Variants in MTERF3 observed in about 807,000 individuals in gnomAD.
The protein encoded by MTERF3 is mitochondrial transcription termination factor 3.
Under a neutral mutation model 40.5 loss-of-function variants are expected in MTERF3, and 40 were observed. The ratio of observed to expected loss-of-function variants is 0.99; its 90% CI spans 0.77 to 1.29. The LOEUF is 1.29. Ranked by LOEUF, MTERF3 falls within the 50% of genes most tolerant of loss-of-function variation. MTERF3 has a pLI of 0.00. For synonymous variants in MTERF3, 158 were observed against 166.6 expected (o/e 0.95, Z 0.40); for missense variants, 452 against 478.2 (o/e 0.95, Z 0.51).
chr8:96,243,656 G>A (rs760001354), intron 7 of MTERF3, among the ~76,000 whole-genome samples: 3 of 152,184 alleles, frequency 2.0e-5, no homozygotes, highest in Non-Finnish European at 2.9e-5. Flanking sequence ...TAAGGGAAGT[G>A]ATCTATTCCA....
chr8:96,239,697 A>G lies in MTERF3; in HGVS notation c.1060-12T>C. 6.4e-7 allele frequency: 1 copy of G among 1,565,072 alleles called. No homozygotes were observed. Among genetic ancestry groups the G allele is most frequent in the Non-Finnish European group, 8.6e-7 (1 of 1,164,046 alleles). ...CTTGTATTAAATACCTAGAAAAGAA[A>G]AAAAAGTTTTTAAAAAACACTGCAC... On this transcript the variant is annotated splice_polypyrimidine_tract_variant and intron_variant, in intron 7 of 7. Coordinates refer to ENST00000287025, the MANE Select transcript of MTERF3 (RefSeq NM_015942.5).
At chr8:96,245,572 G>C (rs993662848) in intron 6 of MTERF3, among the ~76,000 whole-genome samples, 6 of 152,216 alleles carry the variant, frequency 3.9e-5, no homozygotes, top group Non-Finnish European at 8.8e-5. Flanking sequence ...CTGGGCAACA[G>C]AAGCAGTTTC....
Position 96,250,665 on chromosome 8 carries a change from GAAGAAGAAGAAGAAGA to G in MTERF3, c.677+225_677+240del, listed in dbSNP as rs1563548956. Among the ~76,000 whole-genome samples, 88 of 37,736 alleles carry G rather than the reference GAAGAAGAAGAAGAAGA, an allele frequency of 2.3e-3. 17 individuals are homozygous for G. Among genetic ancestry groups the G allele is most frequent in the African/African-American group, 9.3e-3 (86 of 9,294 alleles). 24.8% of individuals were successfully genotyped at this position (37,736 alleles called of 152,430 possible). A position where few individuals can be genotyped will look rare whatever the true frequency, so the allele number is the denominator to read the frequency against. ...AGAAGAAGAAGAAGAAGAAGAAGAA[GAAGAAGAAGAAGAAGA>G]AGGAGGAGGAGGAGGGGGGGAGGGG... On this transcript the variant is annotated intron_variant, in intron 4 of 7. Coordinates refer to ENST00000287025, the MANE Select transcript of MTERF3 (RefSeq NM_015942.5).
Position 96,239,549 on chromosome 8 carries a change from C to T in MTERF3, c.1196G>A (p.Cys399Tyr). 1 of 1,611,760 alleles carries T rather than the reference C, an allele frequency of 6.2e-7. No homozygotes were observed. Among genetic ancestry groups the T allele is most frequent in the Non-Finnish European group, 8.5e-7 (1 of 1,179,460 alleles). ...KLVSIPDEIFCEEIAKASVQD... is the reference protein window; with the variant it reads ...KLVSIPDEIFYEEIAKASVQD... ...TACTGATGCTTTGGCAATCTCTTCA[C>T]AAAATATTTCATCAGGAATAGATAC... Residue 399 changes from cysteine (C) to tyrosine (Y), a missense_variant, in exon 8 of 8, where the codon TGT becomes TAT. Coordinates refer to ENST00000287025, the MANE Select transcript of MTERF3 (RefSeq NM_015942.5).
At chr8:96,250,536 CCCCATCT>C (rs1390096406) in intron 4 of MTERF3, among the ~76,000 whole-genome samples, 2 of 142,108 alleles carry the variant, frequency 1.4e-5, no homozygotes, top group Non-Finnish European at 3.1e-5. Flanking sequence ...TGTGGCGAAA[CCCCATCT>C]CTCCTAAAAA....
chr8:96,252,867 G>A (rs1810211069), intron 3 of MTERF3, among the ~76,000 whole-genome samples: 1 of 152,332 alleles, frequency 6.6e-6, no homozygotes, highest in East Asian at 1.9e-4. Flanking sequence ...CTTTTTAACA[G>A]CAGTAGGAGA....
At chr8:96,251,793 A>G (rs997724474) in intron 3 of MTERF3, among the ~76,000 whole-genome samples, 1 of 152,264 alleles carries the variant, frequency 6.6e-6, no homozygotes, top group African/African-American at 2.4e-5. Flanking sequence ...AAATATTATT[A>G]GAACCAAATA....
At chr8:96,250,673 A>AGAAGAAGAAGAAGAAGAAGAG (rs1563549026) in intron 4 of MTERF3, among the ~76,000 whole-genome samples, 1 of 40,074 alleles carries the variant, frequency 2.5e-5, no homozygotes, top group Non-Finnish European at 4.6e-5. Flanking sequence ...AAGAAGAAGA[A>AGAAGAAGAAGAAGAAGAAGAG]GAAGAAGAAG....
chr8:96,242,055 C>T (rs1809939913), intron 7 of MTERF3, among the ~76,000 whole-genome samples: 1 of 152,132 alleles, frequency 6.6e-6, no homozygotes, highest in South Asian at 2.1e-4. Context: ...GTCAGATCTG[C>T]CAACCAGGAA....
At chr8:96,258,816 G>T (rs1361797126) in intron 1 of MTERF3, 116 bp from the exon 2 acceptor site, 3 of 778,528 alleles carry the variant, frequency 3.9e-6, no homozygotes, top group Non-Finnish European at 5.9e-6. Context: ...TAATTGAAAG[G>T]TGTTTAAATA....
At chr8:96,242,314 T>C (rs1809944549) in intron 7 of MTERF3, among the ~76,000 whole-genome samples, 1 of 152,184 alleles carries the variant, frequency 6.6e-6, no homozygotes. Context: ...GTGCCTAAAA[T>C]CTGTGTTTTT....
intron 3 of MTERF3, among the ~76,000 whole-genome samples, chr8:96,256,306 T>C (rs552009933): frequency 6.6e-6 from 1 of 151,792 alleles, no homozygotes; most frequent in Non-Finnish European, 1.5e-5. Flanking sequence ...AGGAAGGAGG[T>C]CGGGGTAGTG....
At chr8:96,255,198 G>A (rs1355486038) in intron 3 of MTERF3, among the ~76,000 whole-genome samples, 1 of 152,206 alleles carries the variant, frequency 6.6e-6, no homozygotes, top group Non-Finnish European at 1.5e-5. Context: ...GGAGGCTCCT[G>A]CAGCCACTCA....
rs557196782 is a variant in MTERF3, at chr8:96,258,709, G to A, written c.-10-9C>T. On this transcript the variant is annotated splice_polypyrimidine_tract_variant and intron_variant, in intron 1 of 7. Coordinates refer to ENST00000287025, the MANE Select transcript of MTERF3 (RefSeq NM_015942.5). ...AAGCCATTTTTCTTAGTCTACAAAG[G>A]AAAGATATAACCGTCAAAAGAAGAG... 39 of 1,551,074 alleles carry A rather than the reference G, an allele frequency of 2.5e-5. No individual in the cohort carries two copies. In the South Asian group the frequency reaches 2.6e-4, roughly 10 times the overall value.
In MTERF3 at chr8:96,249,586, G is replaced by GT. The variant is rs936881662; in HGVS notation, c.677+1319dup. 3.3e-5 allele frequency among the ~76,000 whole-genome samples: 5 copies of GT among 151,528 alleles called. No homozygotes were observed. In the South Asian group the frequency reaches 8.3e-4, roughly 25 times the overall value. Reference sequence around the variant, plus strand: ...ATTTAATAAATAAGGTTTTTGTTTAGTTTTTTTTCCTAATTCCGAGAAAAG... The same window carrying GT: ...ATTTAATAAATAAGGTTTTTGTTTAGTTTTTTTTTCCTAATTCCGAGAAAAG... On this transcript the variant is annotated intron_variant, in intron 4 of 7. Coordinates refer to ENST00000287025, the MANE Select transcript of MTERF3 (RefSeq NM_015942.5).
chr8:96,251,052 G>GT lies in MTERF3; in HGVS notation c.530dup (p.Asn177LysfsTer9). On this transcript the variant is annotated frameshift_variant, in exon 4 of 8. Transcript: ENST00000287025. LOFTEE classifies it high-confidence loss of function. ...TTTCAAAATCCAGTCTCAGAAGGAGGTTTGCTGCTTCTGGATGTTTTTCTA... is the reference window on the plus strand; with the variant it reads ...TTTCAAAATCCAGTCTCAGAAGGAGGTTTTGCTGCTTCTGGATGTTTTTCTA... 1 of 1,592,492 alleles carries GT rather than the reference G, an allele frequency of 6.3e-7. No homozygotes were observed. The highest frequency in any genetic ancestry group is 2.3e-5 in the East Asian group (1 of 44,262).
At chr8:96,251,730 T>C (rs1000690243) in intron 3 of MTERF3, among the ~76,000 whole-genome samples, 7 of 152,182 alleles carry the variant, frequency 4.6e-5, no homozygotes, top group Non-Finnish European at 1.0e-4. Context: ...CATTTAAAAC[T>C]TCTTAATGGC....
At chr8:96,250,461 C>T (rs1810111478) in intron 4 of MTERF3, among the ~76,000 whole-genome samples, 1 of 145,222 alleles carries the variant, frequency 6.9e-6, no homozygotes, top group African/African-American at 2.5e-5. Flanking sequence ...TGTAAAATCC[C>T]AGCACTTTGG....
At chr8:96,240,179 C>A (rs551773197) in intron 7 of MTERF3, among the ~76,000 whole-genome samples, 1 of 150,870 alleles carries the variant, frequency 6.6e-6, no homozygotes, top group Non-Finnish European at 1.5e-5. Flanking sequence ...ACCCAGGAGA[C>A]GGAGGTTGCA....
Sources: gnomAD v4.1 joint callset for allele counts (sites outside exome capture counted in the v4.1 genomes callset) on GRCh38, gnomAD v4.1.1 for gene constraint, MANE v1.5 for transcripts, NCBI Gene and HGNC (gene_info 2026-07-23, HGNC 2026-07-21) for gene names.